The following COMMD10 variants were observed in gnomAD, a reference collection of about 807,000 sequenced individuals.
COMMD10 encodes the protein COMM domain containing 10.
In COMMD10, 33 loss-of-function variants were observed where a neutral mutation model predicts 28.9. The ratio of observed to expected loss-of-function variants is 1.14; its 90% CI spans 0.87 to 1.53. The LOEUF (loss-of-function observed/expected upper bound fraction) is 1.53, where lower values mean the gene tolerates loss of function less well. Ranked by LOEUF, COMMD10 falls within the 40% of genes most tolerant of loss-of-function variation. COMMD10 has a pLI of 0.00. For synonymous variants in COMMD10, 110 were observed against 81.7 expected (o/e 1.35, Z -1.87); for missense variants, 310 against 233.4 (o/e 1.33, Z -2.14).
At chr5:116,197,516 G>T (rs900591200) in intron 5 of COMMD10, among the ~76,000 whole-genome samples, 2 of 151,794 alleles carry the variant, frequency 1.3e-5, no homozygotes, top group African/African-American at 4.8e-5. Context: ...TGAGTAGCTG[G>T]GACTTGAGTG....
intron 5 of COMMD10, among the ~76,000 whole-genome samples, chr5:116,219,573 G>A (rs1370729444): frequency 6.6e-6 from 1 of 152,126 alleles, no homozygotes; most frequent in Non-Finnish European, 1.5e-5. Context: ...AAGAAATGCT[G>A]GCAGCTAGAA....
chr5:116,270,338 A>G (rs986879797), intron 5 of COMMD10, among the ~76,000 whole-genome samples: 1 of 151,918 alleles, frequency 6.6e-6, no homozygotes, highest in Admixed American at 6.6e-5. Context: ...ATAATTGAAA[A>G]AGGAAAAATT....
chr5:116,157,204 A>G (rs754547301), intron 5 of COMMD10, among the ~76,000 whole-genome samples: 4 of 152,196 alleles, frequency 2.6e-5, no homozygotes, highest in Non-Finnish European at 5.9e-5. Context: ...GTTTAACTCC[A>G]AAACCAATAC....
Position 116,152,295 on chromosome 5 carries a change from C to A in COMMD10, c.510+18117C>A, listed in dbSNP as rs543628786. On this transcript the variant is annotated intron_variant, in intron 5 of 6. Coordinates refer to ENST00000274458, the MANE Select transcript of COMMD10 (RefSeq NM_016144.4). Reference sequence around the variant, plus strand: ...CTTAAATGAATATAGAAGAAGAATACCACTTCCTTAATTACTAATATTCTA... The same window carrying A: ...CTTAAATGAATATAGAAGAAGAATAACACTTCCTTAATTACTAATATTCTA... 3.3e-5 allele frequency among the ~76,000 whole-genome samples: 5 copies of A among 152,038 alleles called. No homozygotes were observed. In the South Asian group the frequency reaches 8.3e-4, roughly 25 times the overall value.
intron 4 of COMMD10, 55 bp downstream of exon 4, chr5:116,092,755 T>G: frequency 7.9e-7 from 1 of 1,267,318 alleles, no homozygotes; most frequent in Non-Finnish European, 1.1e-6. Context: ...CATAAATTAT[T>G]ATACCTGAAG....
chr5:116,098,351 A>C (rs1408470952), intron 4 of COMMD10, among the ~76,000 whole-genome samples: 1 of 152,202 alleles, frequency 6.6e-6, no homozygotes, highest in African/African-American at 2.4e-5. Flanking sequence ...TTAGGGTCCT[A>C]CCCACATAAA....
chr5:116,261,809 T>C (rs1194279746), intron 5 of COMMD10, among the ~76,000 whole-genome samples: 1 of 151,830 alleles, frequency 6.6e-6, no homozygotes, highest in African/African-American at 2.4e-5. Context: ...GTCTCTGTTC[T>C]CTGTCTCTGG....
chr5:116,241,769 C>T lies in COMMD10; in HGVS notation c.511-49748C>T, dbSNP rs186043924. Among the ~76,000 whole-genome samples the T allele has an allele frequency of 7.7e-3, 1,174 of 152,100 alleles. 22 individuals are homozygous for T. The highest frequency in any genetic ancestry group is 0.026 in the African/African-American group (1,089 of 41,502). ...CTGGGACTACAGGCGCCCGCCACCA[C>T]GCCCAGCTAATTTTTTGTATTTTCT... On this transcript the variant is annotated intron_variant, in intron 5 of 6. Coordinates refer to ENST00000274458, the MANE Select transcript of COMMD10 (RefSeq NM_016144.4).
chr5:116,196,934 A>AAT lies in COMMD10; in HGVS notation c.510+62756_510+62757insAT, dbSNP rs1293620663. Among the ~76,000 whole-genome samples, 33 of 152,194 alleles carry AAT rather than the reference A, an allele frequency of 2.2e-4. 1 individual carries two copies. The highest frequency in any genetic ancestry group is 4.1e-4 in the South Asian group (2 of 4,822). The stretch of plus-strand genomic sequence containing the variant: ...TATGATTTACTAAATTAAGCTTAGG[A>AAT]GCATTTCTGTCGATGTATTCCTATC... On this transcript the variant is annotated intron_variant, in intron 5 of 6. Transcript: ENST00000274458.
chr5:116,126,354 G>T (rs1235396253), intron 4 of COMMD10, among the ~76,000 whole-genome samples: 1 of 152,126 alleles, frequency 6.6e-6, no homozygotes, highest in Non-Finnish European at 1.5e-5. Context: ...ACTGCCCAAG[G>T]TAATTTATAG....
At chr5:116,289,476 C>T (rs1011560617) in intron 5 of COMMD10, among the ~76,000 whole-genome samples, 4 of 151,944 alleles carry the variant, frequency 2.6e-5, no homozygotes, top group South Asian at 2.1e-4. Context: ...CCTCTGGCAC[C>T]TGCCCGTGGA....
intron 4 of COMMD10, among the ~76,000 whole-genome samples, chr5:116,115,016 C>T (rs943872762): frequency 1.3e-5 from 2 of 152,130 alleles, no homozygotes; most frequent in Non-Finnish European, 2.9e-5. Context: ...CCCAGTTCAG[C>T]AAACCACAGA....
intron 2 of COMMD10, 96 bp downstream of exon 2, chr5:116,087,683 C>A: frequency 1.3e-6 from 1 of 793,262 alleles, no homozygotes; most frequent in Non-Finnish European, 2.2e-6. Context: ...ATAGTGTTCT[C>A]CAATATGTTC....
chr5:116,263,563 A>G (rs1373331159), intron 5 of COMMD10, among the ~76,000 whole-genome samples: 1 of 151,632 alleles, frequency 6.6e-6, no homozygotes, highest in African/African-American at 2.4e-5. Context: ...AGGTCCGATA[A>G]GAAACATTTT....
In COMMD10 at chr5:116,253,589, TG is replaced by T. The variant is rs1750188245; in HGVS notation, c.511-37926del. ...TTTGTCTTTGGCTCTGTTTATATGC[TG>T]GATTACATTTATTGATTTGTGTATA... On this transcript the variant is annotated intron_variant, in intron 5 of 6. Coordinates refer to ENST00000274458, the MANE Select transcript of COMMD10 (RefSeq NM_016144.4). Among the ~76,000 whole-genome samples, 3 of 139,026 alleles carry T rather than the reference TG, an allele frequency of 2.2e-5. No homozygotes were observed. In the South Asian group the frequency reaches 7.0e-4, roughly 32 times the overall value. The allele number at this position is 139,026 out of a possible 152,430, so 91.2% of individuals were successfully genotyped here.
At chr5:116,094,584 G>T (rs1037456893) in intron 4 of COMMD10, among the ~76,000 whole-genome samples, 1 of 152,164 alleles carries the variant, frequency 6.6e-6, no homozygotes, top group Non-Finnish European at 1.5e-5. Context: ...ATGTATATTA[G>T]TACAGCCATT....
At chr5:116,107,933 C>A (rs928661206) in intron 4 of COMMD10, among the ~76,000 whole-genome samples, 1 of 152,108 alleles carries the variant, frequency 6.6e-6, no homozygotes, top group Non-Finnish European at 1.5e-5. Context: ...TTCTAACTGT[C>A]AGGCCCTTCT....
intron 4 of COMMD10, among the ~76,000 whole-genome samples, chr5:116,110,593 T>A (rs541425308): frequency 1.0e-3 from 157 of 152,134 alleles, no homozygotes; most frequent in Non-Finnish European, 1.6e-3. Flanking sequence ...TCTTGGGAGG[T>A]TGTGTATTAG....
chr5:116,292,370 T>A, intron 6 of COMMD10, 81 bp from the exon 7 acceptor site: 3 of 853,634 alleles, frequency 3.5e-6, no homozygotes, highest in Non-Finnish European at 5.1e-6. Flanking sequence ...TTCCTTTCTA[T>A]TTGCATGTGT....
Sources: allele counts gnomAD v4.1 joint callset (sites outside exome capture counted in the v4.1 genomes callset), GRCh38; gene constraint gnomAD v4.1.1; transcripts MANE v1.5; gene names NCBI Gene and HGNC (gene_info 2026-07-23, HGNC 2026-07-21).